The following SLC9A3 variants were observed in gnomAD, a reference collection of about 807,000 sequenced individuals.
SLC9A3 encodes the protein solute carrier family 9 member A3.
In SLC9A3, 37 loss-of-function variants were observed where a neutral mutation model predicts 86.8. The ratio of observed to expected loss-of-function variants is 0.43; its 90% CI spans 0.33 to 0.56. The LOEUF (loss-of-function observed/expected upper bound fraction) is 0.56, where lower values mean the gene tolerates loss of function less well. Ranked by LOEUF, SLC9A3 falls within the 20% of genes least tolerant of loss-of-function variation. The probability of loss-of-function intolerance (pLI) is 0.06; values close to 1 mark genes in which losing one functional copy is unlikely to be tolerated. For missense variants in SLC9A3, 1,011 were observed against 1,171.9 expected (o/e 0.86, Z 2.00); for synonymous variants, 581 against 528.3 (o/e 1.10, Z -1.37).
At chr5:523,261 C>T (rs1733938378) in intron 1 of SLC9A3, among the ~76,000 whole-genome samples, 4 of 152,184 alleles carry the variant, frequency 2.6e-5, no homozygotes, top group Admixed American at 2.6e-4. Flanking sequence ...GAGCCTGTCC[C>T]TCCCCTGTCC....
rs1365283419 is a variant in SLC9A3, at chr5:480,153, A to C, written c.1518-188T>G. 1.1e-4 allele frequency: 64 copies of C among 595,094 alleles called. 1 individual carries two copies. In the South Asian group the frequency reaches 1.3e-3, roughly 12 times the overall value. 36.9% of individuals were successfully genotyped at this position (595,094 alleles called of 1,614,324 possible). On this transcript the variant is annotated intron_variant, in intron 9 of 16. Transcript: ENST00000264938. ...GCCGTTCTCCCGCCTGTCCTGTTGG[A>C]TGGAGGCCGTTAGACGCATATGAAA...
rs1273520713 is a variant in SLC9A3 at position 491,105 on chromosome 5, G to A, written c.514+664C>T. On this transcript the variant is annotated intron_variant, in intron 2 of 16. Coordinates refer to ENST00000264938, the MANE Select transcript of SLC9A3 (RefSeq NM_004174.4). The surrounding 1 kb of genome is among the most constrained non-coding windows in gnomAD (Gnocchi z 9.2). Reference sequence around the variant, plus strand: ...GCTGAGTTCTCAGACCGGTGAGGGCGGCAGGTGCCGGAGGCCTGCGCTCAG... The same window carrying A: ...GCTGAGTTCTCAGACCGGTGAGGGCAGCAGGTGCCGGAGGCCTGCGCTCAG... Among the ~76,000 whole-genome samples, 11 of 152,212 alleles carry A rather than the reference G, an allele frequency of 7.2e-5. No individual in the cohort carries two copies. Among genetic ancestry groups the A allele is most frequent in the East Asian group, 1.9e-4 (1 of 5,200 alleles).
chr5:476,757 T>C, intron 11 of SLC9A3, 85 bp from the exon 12 acceptor site: 2 of 1,519,642 alleles, frequency 1.3e-6, no homozygotes, highest in Non-Finnish European at 1.8e-6. Flanking sequence ...GGCGGGCATC[T>C]GGCCCTGGCT....
At chr5:500,906 C>CCGGTGTGGACATGGGGTCGGTGTGGAT (rs1740248768) in intron 1 of SLC9A3, among the ~76,000 whole-genome samples, 5 of 61,886 alleles carry the variant, frequency 8.1e-5, no homozygotes, top group Admixed American at 1.7e-4. Context: ...TCGGTGTGGA[C>CCGGTGTGGACATGGGGTCGGTGTGGAT]GAGGCTGGTG....
rs1739714686 is a variant in SLC9A3 at position 491,073 on chromosome 5, G to A, written c.514+696C>T. 6.6e-6 allele frequency among the ~76,000 whole-genome samples: 1 copy of A among 152,228 alleles called. No individual in the cohort carries two copies. Among genetic ancestry groups the A allele is most frequent in the African/African-American group, 2.4e-5 (1 of 41,468 alleles). On this transcript the variant is annotated intron_variant, in intron 2 of 16. Coordinates refer to ENST00000264938, the MANE Select transcript of SLC9A3 (RefSeq NM_004174.4). The surrounding 1 kb of genome is among the most constrained non-coding windows in gnomAD (Gnocchi z 9.2). Reference sequence around the variant, plus strand: ...TGAGTCTGGTTCAGCTGGTGGATTTGTTTGAGGCTGAGTTCTCAGACCGGT... The same window carrying A: ...TGAGTCTGGTTCAGCTGGTGGATTTATTTGAGGCTGAGTTCTCAGACCGGT...
intron 1 of SLC9A3, among the ~76,000 whole-genome samples, chr5:504,087 C>T (rs1740432097): frequency 1.3e-5 from 2 of 152,088 alleles, no homozygotes; most frequent in Admixed American, 1.3e-4. Context: ...TTTAGCATTC[C>T]CCGTGTTTTT....
Position 476,072 on chromosome 5 carries a change from A to G in SLC9A3, c.2088T>C (p.Asn696=), listed in dbSNP as rs1321801549. ...AQKRRNSSIP[N]GKLPMESPAQ... Reference sequence around the variant, plus strand: ...CAGGGCTCTCCATGGGCAGCTTCCCATTGGGGATGCTGCTGTTTCTCTGCG... The same window carrying G: ...CAGGGCTCTCCATGGGCAGCTTCCCGTTGGGGATGCTGCTGTTTCTCTGCG... Residue 696 remains asparagine, a synonymous_variant, in exon 14 of 17, where the codon AAT becomes AAC. Coordinates refer to ENST00000264938, the MANE Select transcript of SLC9A3 (RefSeq NM_004174.4). 1 of 1,613,308 alleles carries G rather than the reference A, an allele frequency of 6.2e-7. No individual in the cohort carries two copies.
At chr5:485,631 C>G (rs545224078) in intron 3 of SLC9A3, among the ~76,000 whole-genome samples, 2 of 152,264 alleles carry the variant, frequency 1.3e-5, no homozygotes, top group Non-Finnish European at 2.9e-5. Flanking sequence ...AACCTTAGCC[C>G]GGCAAAACCC....
At chr5:509,580 T>A (rs925489621) in intron 1 of SLC9A3, among the ~76,000 whole-genome samples, 2 of 152,046 alleles carry the variant, frequency 1.3e-5, no homozygotes, top group Middle Eastern at 3.4e-3. Flanking sequence ...CGTGGAACCC[T>A]GGAACTCAGG....
At chr5:485,022 A>G in intron 4 of SLC9A3, 131 bp downstream of exon 4, 1 of 729,888 alleles carries the variant, frequency 1.4e-6, no homozygotes, top group African/African-American at 1.7e-5. Context: ...CGGGGACGTG[A>G]CGTGGACAGA....
Position 473,183 on chromosome 5 carries a change from CT to C in SLC9A3, c.*195del. 3 of 532,898 alleles carry C rather than the reference CT, an allele frequency of 5.6e-6. No homozygotes were observed. Among genetic ancestry groups the C allele is most frequent in the Non-Finnish European group, 8.3e-6 (3 of 360,172 alleles). 33.0% of individuals were successfully genotyped at this position (532,898 alleles called of 1,614,324 possible). A position where few individuals can be genotyped will look rare whatever the true frequency, so the allele number is the denominator to read the frequency against. On this transcript the variant is annotated 3_prime_UTR_variant, in exon 17 of 17. Coordinates refer to ENST00000264938, the MANE Select transcript of SLC9A3 (RefSeq NM_004174.4). ...GCGCAGGCCCCGCCCCCGGCTCGCC[CT>C]CGGGCGGCTCTGCGGGCGCAGGCGC...
chr5:519,292 G>T (rs1218087597), intron 1 of SLC9A3, among the ~76,000 whole-genome samples: 1 of 152,178 alleles, frequency 6.6e-6, no homozygotes, highest in Non-Finnish European at 1.5e-5. Context: ...GGCCATCCTT[G>T]TCCCCAGAAC....
chr5:477,533 T>G, intron 10 of SLC9A3, 89 bp from the exon 11 acceptor site: 1 of 866,406 alleles, frequency 1.2e-6, no homozygotes, highest in Non-Finnish European at 1.8e-6. Context: ...CGCCCAGAGC[T>G]CGGGGCCCGG....
In SLC9A3 at chr5:491,918, G is replaced by A; in HGVS notation, c.365C>T (p.Pro122Leu). 1 of 1,611,822 alleles carries A rather than the reference G, an allele frequency of 6.2e-7. No individual in the cohort carries two copies. Among genetic ancestry groups the A allele is most frequent in the Non-Finnish European group, 8.5e-7 (1 of 1,179,556 alleles). ...GAAGTAGCCGGCGTCCAGCACGATG[G>A]GGGGCAGCAGGTAGAAGAAGAAGAC... ...PTVFFFYLLP[P>L]IVLDAGYFMP... Residue 122 changes from proline (P) to leucine (L), a missense_variant, in exon 2 of 17, where the codon CCC (proline) becomes CTC (leucine). Transcript: ENST00000264938. The surrounding 1 kb of genome is among the most constrained non-coding windows in gnomAD (Gnocchi z 9.2).
In SLC9A3 at chr5:492,453, C is replaced by T. The variant is rs866496240; in HGVS notation, c.212-382G>A. ...GGGAGGGAGGTCAGGGCAGAGCCCT[C>T]GGGGGAGGGGAGGGAGGTCCAGGTG... is the stretch of plus-strand genomic sequence containing the variant. On this transcript the variant is annotated intron_variant, in intron 1 of 16. Coordinates refer to ENST00000264938, the MANE Select transcript of SLC9A3 (RefSeq NM_004174.4). Among the ~76,000 whole-genome samples the T allele has an allele frequency of 5.9e-3, 164 of 27,592 alleles. 1 individual carries two copies. The highest frequency in any genetic ancestry group is 0.052 in the Middle Eastern group (3 of 58). 18.1% of individuals were successfully genotyped at this position (27,592 alleles called of 152,430 possible).
Position 524,095 on chromosome 5 carries a change from AC to A in SLC9A3, c.211+16del, listed in dbSNP as rs1406680510. The A allele has an allele frequency of 1.4e-6, 2 of 1,463,976 alleles. No homozygotes were observed. Among genetic ancestry groups the A allele is most frequent in the Non-Finnish European group, 9.1e-7 (1 of 1,098,088 alleles). The allele number at this position is 1,463,976 out of a possible 1,614,324, so 90.7% of individuals were successfully genotyped here. Reference sequence around the variant, plus strand: ...GCACACCCCGCGGGCAGATCCGGAGACCCCGGGGCCACTTACCGATCTTGGC... The same window carrying A: ...GCACACCCCGCGGGCAGATCCGGAGACCCGGGGCCACTTACCGATCTTGGC... On this transcript the variant is annotated intron_variant, in intron 1 of 16. Transcript: ENST00000264938.
chr5:500,842 C>T (rs575767251), intron 1 of SLC9A3, among the ~76,000 whole-genome samples: 31 of 126,426 alleles, frequency 2.5e-4, no homozygotes, highest in East Asian at 9.2e-4. Flanking sequence ...TGGGTGTGGA[C>T]GGGGCTGGTG....
Position 491,809 on chromosome 5 carries a change from G to T in SLC9A3, c.474C>A (p.Thr158=), listed in dbSNP as rs548489759. 2 of 1,585,662 alleles carry T rather than the reference G, an allele frequency of 1.3e-6. No individual in the cohort carries two copies. Among genetic ancestry groups the T allele is most frequent in the South Asian group, 2.3e-5 (2 of 87,390 alleles). Residue 158 remains threonine (T), a synonymous_variant, in exon 2 of 17, where the codon ACC becomes ACA. Transcript: ENST00000264938. This position sits in a 1 kb window ranked among gnomAD's most constrained non-coding sequence, Gnocchi z 9.2. ...VVGTVWNAAT[T]GLSLYGVFLS... Reference sequence around the variant, plus strand: ...GGAAGACGCCGTAGAGGGACAGCCCGGTGGTGGCCGCGTTCCACACGGTAC... The same window carrying T: ...GGAAGACGCCGTAGAGGGACAGCCCTGTGGTGGCCGCGTTCCACACGGTAC...
intron 1 of SLC9A3, among the ~76,000 whole-genome samples, chr5:502,272 C>T (rs62330270): frequency 0.014 from 2,123 of 152,344 alleles, 15 homozygotes; most frequent in Non-Finnish European, 0.021. Context: ...GGGACCCAGC[C>T]GCTCCGGCCC....
Sources: gnomAD v4.1 joint callset for allele counts (sites outside exome capture counted in the v4.1 genomes callset) on GRCh38, gnomAD v4.1.1 for gene constraint, Gnocchi (gnomAD v3.1) non-coding constraint, MANE v1.5 for transcripts, NCBI Gene and HGNC (gene_info 2026-07-23, HGNC 2026-07-21) for gene names.